Variants in SPATA16 observed in about 807,000 individuals in gnomAD.
SPATA16 encodes spermatogenesis-associated protein 16.
SPATA16 carries 36 observed loss-of-function variants against 63.3 expected under a neutral mutation model. The ratio of observed to expected loss-of-function variants is 0.57; its 90% CI spans 0.44 to 0.75. SPATA16 has a LOEUF of 0.75. Ranked by LOEUF, SPATA16 falls within the 30% of genes least tolerant of loss-of-function variation. SPATA16 has a pLI of 0.00. For synonymous variants in SPATA16, 203 were observed against 216.7 expected (o/e 0.94, Z 0.56); for missense variants, 646 against 679.3 (o/e 0.95, Z 0.54).
intron 1 of SPATA16, among the ~76,000 whole-genome samples, chr3:173,124,495 C>T (rs2108342833): frequency 6.6e-6 from 1 of 152,316 alleles, no homozygotes; most frequent in African/African-American, 2.4e-5. Context: ...TCCCTCCAGC[C>T]TCTCAATGAC....
intron 3 of SPATA16, among the ~76,000 whole-genome samples, chr3:173,031,478 G>A (rs1735608061): frequency 6.6e-6 from 1 of 151,992 alleles, no homozygotes; most frequent in Admixed American, 6.6e-5. Flanking sequence ...TCAGAAAGAT[G>A]AGCTTATCCA....
intron 8 of SPATA16, among the ~76,000 whole-genome samples, chr3:172,918,217 A>G (rs1166021574): frequency 6.6e-6 from 1 of 152,192 alleles, no homozygotes; most frequent in Non-Finnish European, 1.5e-5. Context: ...CTGAAGAAAA[A>G]TTGCTTTCTT....
chr3:173,138,921 A>G (rs1164849122), intron 1 of SPATA16, among the ~76,000 whole-genome samples: 1 of 152,234 alleles, frequency 6.6e-6, no homozygotes, highest in Non-Finnish European at 1.5e-5. Flanking sequence ...ATCATATAGT[A>G]TGCAAATACA....
At chr3:172,950,130 G>A (rs1733395912) in intron 6 of SPATA16, among the ~76,000 whole-genome samples, 1 of 152,084 alleles carries the variant, frequency 6.6e-6, no homozygotes, top group African/African-American at 2.4e-5. Flanking sequence ...GTCAGATCCC[G>A]TAAGACAATA....
intron 6 of SPATA16, among the ~76,000 whole-genome samples, chr3:172,941,058 A>C (rs963953321): frequency 1.3e-5 from 2 of 152,158 alleles, no homozygotes; most frequent in Admixed American, 6.6e-5. Flanking sequence ...GAGTGGAAAA[A>C]CAATTACTGG....
intron 5 of SPATA16, among the ~76,000 whole-genome samples, chr3:172,975,103 T>A (rs1315554058): frequency 6.6e-6 from 1 of 152,176 alleles, no homozygotes; most frequent in Non-Finnish European, 1.5e-5. Context: ...GGGATATTAA[T>A]GCTCTCTGAA....
intron 6 of SPATA16, among the ~76,000 whole-genome samples, chr3:172,952,280 G>T (rs1733452558): frequency 6.6e-6 from 1 of 152,176 alleles, no homozygotes; most frequent in African/African-American, 2.4e-5. Flanking sequence ...CTGCCTACTT[G>T]TTATGATGTA....
chr3:173,132,514 G>T (rs546015593), intron 1 of SPATA16, among the ~76,000 whole-genome samples: 17 of 152,220 alleles, frequency 1.1e-4, no homozygotes, highest in Admixed American at 9.8e-4. Flanking sequence ...TAATAGAAAT[G>T]TCTCTACAGG....
chr3:173,088,671 C>T (rs1365853063), intron 2 of SPATA16, among the ~76,000 whole-genome samples: 1 of 152,116 alleles, frequency 6.6e-6, no homozygotes, highest in Non-Finnish European at 1.5e-5. Flanking sequence ...AAATTTGAAA[C>T]TTACCTTGTG....
chr3:173,012,943 C>A (rs925271079), intron 4 of SPATA16, among the ~76,000 whole-genome samples: 1 of 152,194 alleles, frequency 6.6e-6, no homozygotes, highest in Admixed American at 6.5e-5. Flanking sequence ...TAAAGAGCTT[C>A]TGCACAGCAA....
chr3:172,933,231 A>T (rs79848881), intron 6 of SPATA16, among the ~76,000 whole-genome samples: 1 of 152,184 alleles, frequency 6.6e-6, no homozygotes, highest in African/African-American at 2.4e-5. Flanking sequence ...CTTGCACTGT[A>T]TGAGAGTTGG....
chr3:172,913,679 C>T lies in SPATA16; in HGVS notation c.1569G>A (p.Val523=), dbSNP rs763600576. The T allele has an allele frequency of 2.5e-6, 4 of 1,613,716 alleles. No individual in the cohort carries two copies. Among genetic ancestry groups the T allele is most frequent in the South Asian group, 1.1e-5 (1 of 91,072 alleles). The part of the protein sequence containing the change: ...LEGRRNNNER[V]WNMIQKVGQI... The stretch of plus-strand genomic sequence containing the variant: ...GTTTTACCTTTTGGATCATATTCCA[C>T]ACACGTTCATTATTGTTTCTTCTTC... Residue 523 remains valine, a synonymous_variant, in exon 10 of 11, where the codon GTG becomes GTA. Transcript: ENST00000351008.
At chr3:172,899,256 G>A (rs1324981366) in intron 10 of SPATA16, among the ~76,000 whole-genome samples, 2 of 152,024 alleles carry the variant, frequency 1.3e-5, no homozygotes, top group African/African-American at 4.8e-5. Context: ...CTGTGGACAT[G>A]TCTATTTTTT....
chr3:172,920,232 G>A (rs982505454), intron 8 of SPATA16, among the ~76,000 whole-genome samples: 5 of 152,164 alleles, frequency 3.3e-5, no homozygotes, highest in African/African-American at 1.2e-4. Context: ...GTGACACAAT[G>A]TCACCAAATT....
intron 2 of SPATA16, among the ~76,000 whole-genome samples, chr3:173,074,591 C>G (rs79705957): frequency 1.3e-5 from 2 of 152,174 alleles, no homozygotes; most frequent in African/African-American, 4.8e-5. Flanking sequence ...CCCCAAGCCA[C>G]ATGGAACTGT....
At chr3:172,995,230 T>C (rs1480493669) in intron 4 of SPATA16, among the ~76,000 whole-genome samples, 1 of 151,998 alleles carries the variant, frequency 6.6e-6, no homozygotes, top group Non-Finnish European at 1.5e-5. Flanking sequence ...TGGGGTAAAA[T>C]CTGAAGAGTA....
intron 5 of SPATA16, among the ~76,000 whole-genome samples, chr3:172,971,712 TAAG>T (rs756561841): frequency 1.4e-4 from 21 of 152,142 alleles, no homozygotes; most frequent in African/African-American, 5.1e-4. Context: ...TCCACTAACT[TAAG>T]AAGACTCTGG....
chr3:172,890,809 C>A (rs1731879448), intron 10 of SPATA16, among the ~76,000 whole-genome samples: 1 of 150,734 alleles, frequency 6.6e-6, no homozygotes, highest in African/African-American at 2.4e-5. Flanking sequence ...TTTTTGAAAC[C>A]CTTGTAAAAA....
At chr3:172,926,602 C>A (rs1255902341) in intron 6 of SPATA16, among the ~76,000 whole-genome samples, 1 of 152,198 alleles carries the variant, frequency 6.6e-6, no homozygotes. Flanking sequence ...ACAGGCACAG[C>A]CACTGCACCC....
Sources: gnomAD v4.1 joint callset for allele counts (sites outside exome capture counted in the v4.1 genomes callset) on GRCh38, gnomAD v4.1.1 for gene constraint, MANE v1.5 for transcripts, NCBI Gene and HGNC (gene_info 2026-07-23, HGNC 2026-07-21) for gene names.